PHACTR2: variants seen among roughly 807,000 people sequenced by gnomAD.
PHACTR2 encodes chromosome 6 open reading frame 56.
Under a neutral mutation model 76.0 loss-of-function variants are expected in PHACTR2, and 30 were observed. That is an observed-to-expected ratio of 0.39 (90% CI 0.30 to 0.54). PHACTR2 has a LOEUF of 0.54. Ranked by LOEUF, PHACTR2 falls within the 20% of genes least tolerant of loss-of-function variation. The pLI is 0.61. For missense variants in PHACTR2, 696 were observed against 781.1 expected (o/e 0.89, Z 1.30); for synonymous variants, 292 against 292.5 (o/e 1.00, Z 0.02).
intron 9 of PHACTR2, among the ~76,000 whole-genome samples, chr6:143,778,375 G>A (rs1433076986): frequency 2.0e-5 from 3 of 152,022 alleles, no homozygotes; most frequent in African/African-American, 7.2e-5. Flanking sequence ...TTGTTAGTAC[G>A]AAATCAATTC....
At position 143,750,087 on chromosome 6, in the gene PHACTR2, C is replaced by A. The variant is rs776883771; in HGVS notation, c.295+1022C>A. 6.6e-6 allele frequency among the ~76,000 whole-genome samples: 1 copy of A among 152,116 alleles called. No homozygotes were observed. Among genetic ancestry groups the A allele is most frequent in the Non-Finnish European group, 1.5e-5 (1 of 68,012 alleles). On this transcript the variant is annotated intron_variant, in intron 3 of 12. Coordinates refer to ENST00000440869, the MANE Select transcript of PHACTR2 (RefSeq NM_001100164.2). The surrounding 1 kb of genome is among the most constrained non-coding windows in gnomAD (Gnocchi z 4.6). ...ATCAAAATGACATGCTTTTTTCCAG[C>A]ATCTGAATAATTCCAGAGTGGAGCT...
chr6:143,676,593 C>T (rs534555908), upstream of PHACTR2, among the ~76,000 whole-genome samples: 1 of 152,216 alleles, frequency 6.6e-6, no homozygotes, highest in South Asian at 2.1e-4. This position sits in a 1 kb window ranked among gnomAD's most constrained non-coding sequence, Gnocchi z 4.8. Flanking sequence ...GCTGGAGGAG[C>T]CAGCCATTAT....
intron 1 of PHACTR2, among the ~76,000 whole-genome samples, chr6:143,545,243 C>A (rs903842943): frequency 2.0e-5 from 3 of 152,130 alleles, no homozygotes; most frequent in African/African-American, 7.2e-5. Context: ...CTGCTCCTGG[C>A]CTGTTTTTGT....
At chr6:143,629,090 A>G (rs1484920543) in intron 1 of PHACTR2, among the ~76,000 whole-genome samples, 1 of 151,294 alleles carries the variant, frequency 6.6e-6, no homozygotes, top group Non-Finnish European at 1.5e-5. Context: ...GGTGAGTTAT[A>G]TCCTGAAATG....
chr6:143,773,993 G>T, intron 7 of PHACTR2, 66 bp from the exon 8 acceptor site: 2 of 1,413,908 alleles, frequency 1.4e-6, no homozygotes, highest in Non-Finnish European at 2.0e-6. Flanking sequence ...TCCATGCCAT[G>T]TGTAACCTGA....
At chr6:143,805,601 A>G (rs1465724200) in intron 11 of PHACTR2, among the ~76,000 whole-genome samples, 1 of 152,080 alleles carries the variant, frequency 6.6e-6, no homozygotes, top group Non-Finnish European at 1.5e-5. Flanking sequence ...TTTTTGCAGT[A>G]AGCAAAAGTA....
At chr6:143,727,131 T>C (rs899322351) in intron 2 of PHACTR2, among the ~76,000 whole-genome samples, 2 of 152,118 alleles carry the variant, frequency 1.3e-5, no homozygotes, top group Non-Finnish European at 2.9e-5. Context: ...TCCCAGCCTC[T>C]CGTAACTGTC....
chr6:143,725,839 ATG>A (rs1265098938), intron 2 of PHACTR2, among the ~76,000 whole-genome samples: 1 of 150,930 alleles, frequency 6.6e-6, no homozygotes, highest in Non-Finnish European at 1.5e-5. Flanking sequence ...AAAAAAAAGA[ATG>A]TCATATAAAT....
rs1258510954 is a variant in PHACTR2 at position 143,829,953 on chromosome 6, C to A, written c.*6264C>A. 2 of 151,966 alleles carry A rather than the reference C, an allele frequency of 1.3e-5. No individual in the cohort carries two copies. Among genetic ancestry groups the A allele is most frequent in the Non-Finnish European group, 2.9e-5 (2 of 68,010 alleles). The allele number at this position is 151,966 out of a possible 1,614,324, so 9.4% of individuals were successfully genotyped here. A position where few individuals can be genotyped will look rare whatever the true frequency, so the allele number is the denominator to read the frequency against. ...TCAATTTTATGGTATATGAAAATGC[C>A]AGTAATATTTGTGCCACTTGCCAAC... On this transcript the variant is annotated 3_prime_UTR_variant, in exon 13 of 13. Transcript: ENST00000440869.
At position 143,653,172 on chromosome 6, in the gene PHACTR2, G is replaced by A. The variant is rs989700004; in HGVS notation, c.13+44850G>A. 6.6e-6 allele frequency among the ~76,000 whole-genome samples: 1 copy of A among 152,172 alleles called. No homozygotes were observed. Among genetic ancestry groups the A allele is most frequent in the Non-Finnish European group, 1.5e-5 (1 of 68,028 alleles). On this transcript the variant is annotated intron_variant, in intron 1 of 11. Transcript: ENST00000305766. The surrounding 1 kb of genome is among the most constrained non-coding windows in gnomAD (Gnocchi z 4.9). ...TTGAACTTTGGCCCTCTGGAAACAA[G>A]GCCAGTCGCAAGACACGTCAGGAAG...
At position 143,557,252 on chromosome 6, in the gene PHACTR2, T is replaced by A. The variant is rs1281761418; in HGVS notation, c.217+20045T>A. Among the ~76,000 whole-genome samples the A allele has an allele frequency of 6.6e-6, 1 of 152,202 alleles. No individual in the cohort carries two copies. Among genetic ancestry groups the A allele is most frequent in the Non-Finnish European group, 1.5e-5 (1 of 68,030 alleles). The stretch of plus-strand genomic sequence containing the variant: ...AAAGGATTCTCATCTCTCAACCATA[T>A]TTCATCCTCATAACCTTTTGAATCC... On this transcript the variant is annotated intron_variant, in intron 1 of 11. Transcript: ENST00000367584. This position sits in a 1 kb window ranked among gnomAD's most constrained non-coding sequence, Gnocchi z 5.5.
chr6:143,771,166 ATATATATGTATATATATATATATGTGTG>A (rs1562300686), intron 6 of PHACTR2, among the ~76,000 whole-genome samples: 21 of 27,678 alleles, frequency 7.6e-4, no homozygotes, highest in African/African-American at 4.3e-3. Flanking sequence ...ATGTATATAT[ATATATATGTATATATATATATATGTGTG>A]TATATATATA....
Position 143,556,898 on chromosome 6 carries a change from A to G in PHACTR2, c.217+19691A>G, listed in dbSNP as rs978656605. On this transcript the variant is annotated intron_variant, in intron 1 of 11. Transcript: ENST00000367584. This position sits in a 1 kb window ranked among gnomAD's most constrained non-coding sequence, Gnocchi z 4.3. ...GGCCAGGAACTAATAAAAATGATGC[A>G]CAAAGACGTGAGAAGATATGCTGCC... Among the ~76,000 whole-genome samples the G allele has an allele frequency of 6.6e-6, 1 of 152,216 alleles. No homozygotes were observed.
At chr6:143,584,988 A>C (rs1775611585) in intron 1 of PHACTR2, among the ~76,000 whole-genome samples, 1 of 151,816 alleles carries the variant, frequency 6.6e-6, no homozygotes, top group Non-Finnish European at 1.5e-5. Context: ...ATTAAAAAAA[A>C]AAAAAAAAAG....
chr6:143,740,663 C>A (rs564509883), intron 2 of PHACTR2, among the ~76,000 whole-genome samples: 1 of 152,298 alleles, frequency 6.6e-6, no homozygotes, highest in African/African-American at 2.4e-5. Flanking sequence ...AGAATTTACA[C>A]TGTATCCTTT....
intron 2 of PHACTR2, among the ~76,000 whole-genome samples, chr6:143,747,245 G>T (rs1779086184): frequency 6.6e-6 from 1 of 152,044 alleles, no homozygotes; most frequent in Non-Finnish European, 1.5e-5. Flanking sequence ...TAGCAACCAG[G>T]ATTTAAAAAG....
At position 143,682,535 on chromosome 6, in the gene PHACTR2, T is replaced by C. The variant is rs144404301; in HGVS notation, c.46+4326T>C. ...CTGGCCTGAACTCATTTTTTAGTCC[T>C]AGTAGTTTTTCAGTGGATTCCTTAT... On this transcript the variant is annotated intron_variant, in intron 1 of 12. Transcript: ENST00000440869. Among the ~76,000 whole-genome samples the C allele has an allele frequency of 4.2e-4, 64 of 152,298 alleles. No individual in the cohort carries two copies. In the East Asian group the frequency reaches 8.3e-3, roughly 20 times the overall value.
At chr6:143,747,641 G>T (rs1393135812) in intron 2 of PHACTR2, among the ~76,000 whole-genome samples, 1 of 152,162 alleles carries the variant, frequency 6.6e-6, no homozygotes, top group Non-Finnish European at 1.5e-5. Context: ...GAAATCTCGT[G>T]CTACTGCAGC....
rs1776814574 is a variant in PHACTR2 at position 143,654,475 on chromosome 6, T to C, written c.13+46153T>C. The stretch of plus-strand genomic sequence containing the variant: ...AACTGATGAATTCGTAAATAAAATA[T>C]ACTATATCCACTCAATAGAATATTA... On this transcript the variant is annotated intron_variant, in intron 1 of 11. Transcript: ENST00000305766. The surrounding 1 kb of genome is among the most constrained non-coding windows in gnomAD (Gnocchi z 4.6). Among the ~76,000 whole-genome samples the C allele has an allele frequency of 6.6e-6, 1 of 152,136 alleles. No individual in the cohort carries two copies. The highest frequency in any genetic ancestry group is 1.5e-5 in the Non-Finnish European group (1 of 68,028).
Sources: gnomAD v4.1 joint callset for allele counts (sites outside exome capture counted in the v4.1 genomes callset) on GRCh38, gnomAD v4.1.1 for gene constraint, Gnocchi (gnomAD v3.1) non-coding constraint, MANE v1.5 for transcripts, NCBI Gene and HGNC (gene_info 2026-07-23, HGNC 2026-07-21) for gene names.